The following ZFHX4 variants were observed in gnomAD, a reference collection of about 807,000 sequenced individuals.
The protein encoded by ZFHX4 is zinc finger homeobox protein 4.
A neutral mutation model predicts 267.6 loss-of-function variants in ZFHX4; 56 were observed. The ratio of observed to expected loss-of-function variants is 0.21; its 90% CI spans 0.17 to 0.26. The LOEUF is 0.26. Ranked by LOEUF, ZFHX4 falls within the 10% of genes least tolerant of loss-of-function variation. ZFHX4 has a pLI of 1.00. For synonymous variants in ZFHX4, 1,778 were observed against 1,665.6 expected (o/e 1.07, Z -1.64); for missense variants, 4,332 against 4,420.0 (o/e 0.98, Z 0.56).
chr8:76,806,312 G>C (rs974581445), intron 4 of ZFHX4, among the ~76,000 whole-genome samples: 1 of 152,080 alleles, frequency 6.6e-6, no homozygotes, highest in Non-Finnish European at 1.5e-5. Context: ...TGAGATGGCC[G>C]TATGAAATTC....
At chr8:76,724,575 G>T (rs1486644604) in intron 3 of ZFHX4, among the ~76,000 whole-genome samples, 1 of 152,058 alleles carries the variant, frequency 6.6e-6, no homozygotes, top group South Asian at 2.1e-4. Flanking sequence ...CCATTCTTTT[G>T]TTGAAGGTCT....
intron 10 of ZFHX4, among the ~76,000 whole-genome samples, chr8:76,859,053 CAGTGTAAAAATGTTCGGTTTT>C (rs962859028): frequency 6.6e-6 from 1 of 152,182 alleles, no homozygotes; most frequent in African/African-American, 2.4e-5. Flanking sequence ...AGCTTAATTG[CAGTGTAAAAATGTTCGGTTTT>C]AGTATTTATC....
Position 76,778,192 on chromosome 8 carries a change from C to G in ZFHX4, c.3094-16C>G. The G allele has an allele frequency of 6.4e-7, 1 of 1,559,402 alleles. No homozygotes were observed. The highest frequency in any genetic ancestry group is 8.8e-7 in the Non-Finnish European group (1 of 1,130,520). ...GAGCTAGACCATTGTTCTAATGAGC[C>G]TTCCCTTCCTTTCAGCACTTGCAGA... is the stretch of plus-strand genomic sequence containing the variant. On this transcript the variant is annotated splice_polypyrimidine_tract_variant and intron_variant, in intron 3 of 10. Transcript: ENST00000651372.
At chr8:76,751,909 A>G (rs1409018661) in intron 3 of ZFHX4, among the ~76,000 whole-genome samples, 2 of 152,124 alleles carry the variant, frequency 1.3e-5, no homozygotes, top group African/African-American at 2.4e-5. Flanking sequence ...TGCAAGGATC[A>G]CTCTTATGCT....
chr8:76,768,422 C>T (rs1459233257), intron 3 of ZFHX4, among the ~76,000 whole-genome samples: 1 of 151,890 alleles, frequency 6.6e-6, no homozygotes. Context: ...CTCAAGCTGG[C>T]CATTGAGGAG....
Position 76,778,190 on chromosome 8 carries a change from G to A in ZFHX4, c.3094-18G>A, listed in dbSNP as rs1212992589. Reference sequence around the variant, plus strand: ...TGGAGCTAGACCATTGTTCTAATGAGCCTTCCCTTCCTTTCAGCACTTGCA... The same window carrying A: ...TGGAGCTAGACCATTGTTCTAATGAACCTTCCCTTCCTTTCAGCACTTGCA... On this transcript the variant is annotated intron_variant, in intron 3 of 10. Coordinates refer to ENST00000651372, the MANE Select transcript of ZFHX4 (RefSeq NM_024721.5). The A allele has an allele frequency of 3.2e-6, 5 of 1,543,590 alleles. No individual in the cohort carries two copies. The Admixed American group carries it at 5.0e-5, about 15-fold the overall frequency.
chr8:76,834,167 G>A (rs1158530676), intron 5 of ZFHX4: 1 of 444,858 alleles, frequency 2.2e-6, no homozygotes, highest in African/African-American at 2.0e-5. Context: ...TCCAAGTTTT[G>A]GCAATTACGA....
intron 4 of ZFHX4, among the ~76,000 whole-genome samples, chr8:76,807,882 A>G (rs1235038266): frequency 6.6e-6 from 1 of 152,142 alleles, no homozygotes; most frequent in African/African-American, 2.4e-5. Context: ...GCATGTTTTT[A>G]TTCATCCATA....
chr8:76,726,785 C>T (rs1329080349), intron 3 of ZFHX4, among the ~76,000 whole-genome samples: 1 of 152,106 alleles, frequency 6.6e-6, no homozygotes, highest in Non-Finnish European at 1.5e-5. Flanking sequence ...ATTATATCTG[C>T]TTTAGCCTGC....
chr8:76,740,795 T>C (rs1399435965), intron 3 of ZFHX4, among the ~76,000 whole-genome samples: 2 of 152,074 alleles, frequency 1.3e-5, no homozygotes, highest in African/African-American at 4.8e-5. Flanking sequence ...GAGGCAGTTG[T>C]GCCAGAAATA....
intron 4 of ZFHX4, among the ~76,000 whole-genome samples, chr8:76,781,847 G>A (rs1439149698): frequency 6.6e-6 from 1 of 151,980 alleles, no homozygotes; most frequent in African/African-American, 2.4e-5. Context: ...GTTTCAGGTG[G>A]ATACAAGCAC....
intron 3 of ZFHX4, among the ~76,000 whole-genome samples, chr8:76,732,000 C>T (rs73347371): frequency 0.048 from 7,310 of 151,816 alleles, 368 homozygotes; most frequent in East Asian, 0.24. Flanking sequence ...TGCCTCCACA[C>T]TCCGCTAATG....
At position 76,863,528 on chromosome 8, in the gene ZFHX4, T is replaced by C. The variant is rs1812934873; in HGVS notation, c.9814T>C (p.Ser3272Pro). The C allele has an allele frequency of 6.2e-7, 1 of 1,613,534 alleles. No homozygotes were observed. Among genetic ancestry groups the C allele is most frequent in the Non-Finnish European group, 8.5e-7 (1 of 1,179,762 alleles). ...FLPYFIPGFA[S>P]YFTPQLPGTV... ...GCCATACTTTATCCCTGGGTTTGCT[T>C]CTTATTTTACACCTCAGCTCCCTGG... The change falls in exon 11 of 11, where the codon TCT (serine) becomes CCT (proline). Residue 3272 changes from serine (S) to proline (P), a missense_variant. Coordinates refer to ENST00000651372, the MANE Select transcript of ZFHX4 (RefSeq NM_024721.5).
chr8:76,765,535 C>T (rs1281941939), intron 3 of ZFHX4, among the ~76,000 whole-genome samples: 1 of 151,976 alleles, frequency 6.6e-6, no homozygotes, highest in Non-Finnish European at 1.5e-5. Flanking sequence ...AATAAATGGC[C>T]TTAGGATATA....
chr8:76,683,541 T>G (rs1230656293), intron 1 of ZFHX4, among the ~76,000 whole-genome samples: 1 of 150,300 alleles, frequency 6.7e-6, no homozygotes, highest in African/African-American at 2.4e-5. Flanking sequence ...TTCCTCTCCT[T>G]GAGTCTCCCC....
At chr8:76,682,997 A>G (rs1807583904) in intron 1 of ZFHX4, 1 of 152,148 alleles carries the variant, frequency 6.6e-6, no homozygotes, top group African/African-American at 2.4e-5. Flanking sequence ...AAGGTTCCCT[A>G]TTCTAATCCC....
chr8:76,723,556 C>CT (rs150378157), intron 3 of ZFHX4, among the ~76,000 whole-genome samples: 6,459 of 142,890 alleles, frequency 0.045, 291 homozygotes, highest in East Asian at 0.24. Flanking sequence ...AATTCCCTTG[C>CT]TTTTTTTTTT....
At chr8:76,698,866 T>C (rs1808027483) in intron 1 of ZFHX4, among the ~76,000 whole-genome samples, 1 of 152,202 alleles carries the variant, frequency 6.6e-6, no homozygotes, top group Non-Finnish European at 1.5e-5. Context: ...GTTTTTGCCG[T>C]GTCAGGAGAG....
chr8:76,715,030 T>C (rs1808527926), intron 3 of ZFHX4, among the ~76,000 whole-genome samples: 1 of 152,194 alleles, frequency 6.6e-6, no homozygotes, highest in Admixed American at 6.5e-5. Flanking sequence ...CTTACTTTTA[T>C]TGCCCTATTG....
Sources: gnomAD v4.1 joint callset for allele counts (sites outside exome capture counted in the v4.1 genomes callset) on GRCh38, gnomAD v4.1.1 for gene constraint, MANE v1.5 for transcripts, NCBI Gene and HGNC (gene_info 2026-07-23, HGNC 2026-07-21) for gene names.